SLK: variants seen among roughly 807,000 people sequenced by gnomAD.
SLK encodes STE20-like serine/threonine-protein kinase.
SLK carries 67 observed loss-of-function variants against 147.7 expected under a neutral mutation model. The observed-to-expected ratio is 0.45, with a 90% CI of 0.37 to 0.56. The LOEUF (loss-of-function observed/expected upper bound fraction) is 0.56, where lower values mean the gene tolerates loss of function less well. Among genes scored for constraint, SLK ranks in the 20% least tolerant of loss-of-function variants. The pLI, the probability that SLK is intolerant of heterozygous loss-of-function variation, is 0.00. For synonymous variants in SLK, 441 were observed against 475.0 expected (o/e 0.93, Z 0.93); for missense variants, 1,136 against 1,438.8 (o/e 0.79, Z 3.41).
chr10:104,010,517 A>AGTACACTGATGTACTT (rs1429755288), intron 12 of SLK, among the ~76,000 whole-genome samples: 1 of 152,242 alleles, frequency 6.6e-6, no homozygotes, highest in Admixed American at 6.5e-5. Context: ...CCTGTAGTTC[A>AGTACACTGATGTACTT]GCATCAGTGC....
chr10:104,020,425 C>A, intron 16 of SLK, 63 bp from the exon 17 acceptor site: 1 of 1,471,872 alleles, frequency 6.8e-7, no homozygotes, highest in Non-Finnish European at 9.2e-7. Context: ...TCCTTTATAT[C>A]TTCAGAATAT....
At chr10:104,014,268 A>G (rs1047678166) in intron 13 of SLK, among the ~76,000 whole-genome samples, 1 of 152,126 alleles carries the variant, frequency 6.6e-6, no homozygotes, top group Non-Finnish European at 1.5e-5. Flanking sequence ...GTTTAACTCT[A>G]TTTTCCATTT....
At chr10:103,975,755 A>G (rs1843861828) in intron 1 of SLK, among the ~76,000 whole-genome samples, 2 of 152,076 alleles carry the variant, frequency 1.3e-5, no homozygotes, top group East Asian at 3.9e-4. Context: ...TAGTATTTGG[A>G]TTGTTTTCAC....
At chr10:104,006,901 A>C (rs1441082822) in intron 11 of SLK, among the ~76,000 whole-genome samples, 12 of 152,146 alleles carry the variant, frequency 7.9e-5, no homozygotes, top group Non-Finnish European at 1.3e-4. Context: ...CTCCCCCATC[A>C]TACTTTCTAA....
At chr10:103,976,154 C>T (rs983175059) in intron 1 of SLK, among the ~76,000 whole-genome samples, 8 of 152,092 alleles carry the variant, frequency 5.3e-5, no homozygotes, top group East Asian at 1.9e-4. Flanking sequence ...CTGCCCACCT[C>T]GGCCTCCCAA....
At chr10:103,995,032 C>G (rs1442595278) in intron 4 of SLK, among the ~76,000 whole-genome samples, 2 of 152,086 alleles carry the variant, frequency 1.3e-5, no homozygotes, top group African/African-American at 4.8e-5. Flanking sequence ...AAACGAATTC[C>G]ATTATTTTGT....
intron 3 of SLK, 40 bp downstream of exon 3, chr10:103,992,686 A>T: frequency 6.5e-7 from 1 of 1,530,258 alleles, no homozygotes; most frequent in Non-Finnish European, 8.9e-7. Context: ...ATCTTAAATT[A>T]TACTTGATAA....
chr10:104,003,136 T>G lies in SLK; in HGVS notation c.1958T>G (p.Val653Gly). The part of the protein sequence containing the change: ...TESSSTEEME[V>G]RSVVADTDQK... ...TCAAGTAGCACTGAAGAAATGGAGG[T>G]CAGAAGTGTGGTGGCTGATACTGAC... The change falls in exon 9 of 19, where the codon GTC (valine) becomes GGC (glycine). Residue 653 changes from valine to glycine, a missense_variant. Around this residue, in one of 6 missense-constraint regions of SLK, gnomAD observed 516 missense variants for 531.3 expected, o/e 0.97. Transcript: ENST00000369755. The G allele has an allele frequency of 6.2e-7, 1 of 1,613,384 alleles. No homozygotes were observed. The highest frequency in any genetic ancestry group is 1.1e-5 in the South Asian group (1 of 91,030).
At chr10:103,995,796 T>A (rs1206715756) in intron 4 of SLK, among the ~76,000 whole-genome samples, 1 of 152,210 alleles carries the variant, frequency 6.6e-6, no homozygotes, top group Admixed American at 6.5e-5. Flanking sequence ...CACAGTCTGG[T>A]GTAAGAGATG....
At chr10:103,994,328 A>T (rs1228694023) in intron 4 of SLK, among the ~76,000 whole-genome samples, 1 of 152,194 alleles carries the variant, frequency 6.6e-6, no homozygotes, top group African/African-American at 2.4e-5. Context: ...TGCCCATCTC[A>T]GCCACTGCCC....
intron 13 of SLK, among the ~76,000 whole-genome samples, chr10:104,015,571 A>G (rs943712106): frequency 5.9e-5 from 9 of 152,218 alleles, no homozygotes; most frequent in South Asian, 2.1e-4. Flanking sequence ...CTTGGGACCA[A>G]TTGAGTGGAA....
At position 103,992,618 on chromosome 10, in the gene SLK, A is replaced by G; in HGVS notation, c.336A>G (p.Ala112=). ...TGCAGATCCTCATTGAATTTTGTGC[A>G]GGTGGAGCAGTAGATGCTGTGATGC... The part of the protein sequence containing the change: ...NNLWILIEFC[A]GGAVDAVMLE... Residue 112 remains alanine (A), a synonymous_variant, in exon 3 of 19, where the codon GCA becomes GCG. Transcript: ENST00000369755. 1.3e-6 allele frequency: 2 copies of G among 1,598,752 alleles called. No individual in the cohort carries two copies. The highest frequency in any genetic ancestry group is 2.2e-5 in the South Asian group (2 of 89,210).
chr10:103,967,258 C>G lies in SLK; in HGVS notation c.-488C>G, dbSNP rs1171814894. On this transcript the variant is annotated 5_prime_UTR_variant, in exon 1 of 19. Transcript: ENST00000369755. ...GCGGGCCTTGCGCCGCGGGAGCGGA[C>G]GGCGGCGGAGGAGACCCTAGGCTCG... The G allele has an allele frequency of 6.6e-6, 1 of 151,098 alleles. No individual in the cohort carries two copies. Among genetic ancestry groups the G allele is most frequent in the African/African-American group, 2.4e-5 (1 of 41,224 alleles). 9.4% of individuals were successfully genotyped at this position (151,098 alleles called of 1,614,324 possible).
chr10:103,977,001 C>G (rs967021559), intron 1 of SLK, among the ~76,000 whole-genome samples: 1 of 152,200 alleles, frequency 6.6e-6, no homozygotes, highest in African/African-American at 2.4e-5. Context: ...CCCTTTGTGA[C>G]AACCTAAAAT....
chr10:104,018,437 T>G (rs1589546702), intron 14 of SLK, 148 bp downstream of exon 14: 1 of 731,500 alleles, frequency 1.4e-6, no homozygotes, highest in East Asian at 2.9e-5. Context: ...CATTATGCCT[T>G]ATAGTTGTTA....
Position 103,981,667 on chromosome 10 carries a change from G to T in SLK, c.151-9008G>T, listed in dbSNP as rs1000821062. On this transcript the variant is annotated intron_variant, in intron 1 of 18. Transcript: ENST00000369755. ...AAATCATTAGACCATATATATGCCAGTTTTTTTTTTTCTGGTCTCTATTCC... is the reference window on the plus strand; with the variant it reads ...AAATCATTAGACCATATATATGCCATTTTTTTTTTTTCTGGTCTCTATTCC... Among the ~76,000 whole-genome samples the T allele has an allele frequency of 4.7e-5, 7 of 147,752 alleles. No individual in the cohort carries two copies. In the East Asian group the frequency reaches 7.9e-4, roughly 17 times the overall value.
At chr10:103,973,819 G>A (rs1329997535) in intron 1 of SLK, among the ~76,000 whole-genome samples, 1 of 152,186 alleles carries the variant, frequency 6.6e-6, no homozygotes, top group Non-Finnish European at 1.5e-5. Flanking sequence ...GAACTTGCCT[G>A]TCTAAATATG....
intron 1 of SLK, among the ~76,000 whole-genome samples, chr10:103,968,295 G>GT (rs771569709): frequency 1.7e-4 from 26 of 152,290 alleles, no homozygotes; most frequent in Non-Finnish European, 2.8e-4. Context: ...CAACAGTTCT[G>GT]TTTTTAGGGT....
intron 13 of SLK, 132 bp from the exon 14 acceptor site, chr10:104,018,028 A>AT (rs1844486206): frequency 6.1e-6 from 4 of 650,660 alleles, no homozygotes; most frequent in Admixed American, 3.5e-5. Flanking sequence ...AATTTTAGTG[A>AT]TTTTAAAATC....
Sources: allele counts gnomAD v4.1 joint callset (sites outside exome capture counted in the v4.1 genomes callset), GRCh38; gene constraint gnomAD v4.1.1; regional missense constraint gnomAD v4.1.1; transcripts MANE v1.5; gene names NCBI Gene and HGNC (gene_info 2026-07-23, HGNC 2026-07-21).